Variants in FSTL5 observed in about 807,000 individuals in gnomAD.
FSTL5 encodes follistatin like 5, also known as follistatin-related protein 5.
FSTL5 carries 62 observed loss-of-function variants against 89.1 expected under a neutral mutation model. The observed-to-expected ratio is 0.70, with a 90% confidence interval of 0.57 to 0.86. FSTL5 has a LOEUF of 0.86. Among genes scored for constraint, FSTL5 ranks in the 40% least tolerant of loss-of-function variants. FSTL5 has a pLI of 0.00. For synonymous variants in FSTL5, 383 were observed against 346.2 expected (o/e 1.11, Z -1.18); for missense variants, 1,057 against 1,001.6 (o/e 1.06, Z -0.75).
At chr4:162,144,523 A>T (rs1356654380) in intron 1 of FSTL5, among the ~76,000 whole-genome samples, 1 of 152,156 alleles carries the variant, frequency 6.6e-6, no homozygotes, top group African/African-American at 2.4e-5. Context: ...GTGTGTGATT[A>T]GTATGGAATC....
chr4:161,589,935 A>G (rs1016289217), intron 7 of FSTL5, among the ~76,000 whole-genome samples: 2 of 152,008 alleles, frequency 1.3e-5, no homozygotes, highest in African/African-American at 2.4e-5. Flanking sequence ...ATATAGGAAC[A>G]CTCATACCGT....
chr4:161,679,458 T>G (rs1157321668), intron 6 of FSTL5, among the ~76,000 whole-genome samples: 1 of 151,784 alleles, frequency 6.6e-6, no homozygotes, highest in Non-Finnish European at 1.5e-5. Context: ...CACATAACTA[T>G]TAAGTGGTAA....
intron 1 of FSTL5, among the ~76,000 whole-genome samples, chr4:162,157,329 G>A (rs932561982): frequency 1.3e-5 from 2 of 152,018 alleles, no homozygotes; most frequent in Non-Finnish European, 2.9e-5. Flanking sequence ...AAAATAGAAT[G>A]GGGATCATGT....
chr4:161,784,633 G>A (rs900859036), intron 4 of FSTL5, among the ~76,000 whole-genome samples: 4 of 151,764 alleles, frequency 2.6e-5, no homozygotes, highest in Non-Finnish European at 5.9e-5. Context: ...AGTGGCTCAC[G>A]CCTGTAATCC....
At chr4:161,822,191 G>C (rs1257489155) in intron 4 of FSTL5, among the ~76,000 whole-genome samples, 1 of 152,114 alleles carries the variant, frequency 6.6e-6, no homozygotes, top group Non-Finnish European at 1.5e-5. Context: ...GTGATGTTGA[G>C]CATTTTTTCA....
At chr4:162,056,836 C>T (rs1157751009) in intron 2 of FSTL5, among the ~76,000 whole-genome samples, 1 of 152,058 alleles carries the variant, frequency 6.6e-6, no homozygotes, top group East Asian at 1.9e-4. Flanking sequence ...ATTATTTATA[C>T]ATATTATTGC....
chr4:161,666,200 G>C (rs750029005), intron 6 of FSTL5, among the ~76,000 whole-genome samples: 8 of 151,628 alleles, frequency 5.3e-5, no homozygotes, highest in Non-Finnish European at 1.2e-4. Flanking sequence ...ACATCACTAA[G>C]AAAAATTTAA....
At chr4:161,685,453 T>A (rs558215178) in intron 6 of FSTL5, among the ~76,000 whole-genome samples, 41 of 152,250 alleles carry the variant, frequency 2.7e-4, no homozygotes, top group Admixed American at 1.1e-3. Context: ...TCCTTGTAGA[T>A]GTCTTTCACT....
At chr4:161,648,599 A>C (rs191060134) in intron 7 of FSTL5, among the ~76,000 whole-genome samples, 8 of 152,308 alleles carry the variant, frequency 5.3e-5, no homozygotes, top group African/African-American at 1.9e-4. Context: ...CCTAGTACAC[A>C]ATAACTTTCT....
At chr4:161,920,707 A>G in intron 3 of FSTL5, 55 bp from the exon 4 acceptor site, 1 of 1,503,418 alleles carries the variant, frequency 6.7e-7, no homozygotes. Flanking sequence ...CAAATAATAT[A>G]TATATTTCAG....
chr4:161,548,501 G>T (rs1028413530), intron 8 of FSTL5, among the ~76,000 whole-genome samples: 1 of 151,860 alleles, frequency 6.6e-6, no homozygotes, highest in African/African-American at 2.4e-5. Context: ...GAATATGGTT[G>T]TGGGGAAGAC....
rs377012271 is a variant in FSTL5, at chr4:161,455,146, T to C, written c.1717-18A>G. Reference sequence around the variant, plus strand: ...GTAATTACCTAAAGAGAACACACCTTGGTTAGACCTCAACAATGCAGTCAC... The same window carrying C: ...GTAATTACCTAAAGAGAACACACCTCGGTTAGACCTCAACAATGCAGTCAC... On this transcript the variant is annotated intron_variant, in intron 14 of 15. Transcript: ENST00000306100. The C allele has an allele frequency of 6.7e-5, 105 of 1,574,092 alleles. 1 individual carries two copies. Among genetic ancestry groups the C allele is most frequent in the Non-Finnish European group, 2.7e-5 (31 of 1,164,396 alleles).
At chr4:162,113,668 G>T (rs1472449250) in intron 1 of FSTL5, among the ~76,000 whole-genome samples, 1 of 151,988 alleles carries the variant, frequency 6.6e-6, no homozygotes, top group Non-Finnish European at 1.5e-5. Flanking sequence ...TCAGTTTTTT[G>T]AACTTATTTT....
chr4:161,782,142 T>G (rs1009028162), intron 4 of FSTL5, among the ~76,000 whole-genome samples: 6 of 152,216 alleles, frequency 3.9e-5, no homozygotes, highest in African/African-American at 1.4e-4. Flanking sequence ...ATTCACCTGT[T>G]GAAGGGCAAC....
chr4:161,893,877 G>C (rs1265436161), intron 4 of FSTL5, among the ~76,000 whole-genome samples: 3 of 151,968 alleles, frequency 2.0e-5, no homozygotes, highest in Non-Finnish European at 4.4e-5. Context: ...TCAATATCCT[G>C]GTGCCTAAAT....
At chr4:161,780,057 G>A (rs1156649031) in intron 4 of FSTL5, among the ~76,000 whole-genome samples, 6 of 148,462 alleles carry the variant, frequency 4.0e-5, no homozygotes, top group Non-Finnish European at 6.0e-5. Flanking sequence ...TATGTCCCTC[G>A]GAGTCCTTCA....
chr4:161,441,138 G>A (rs1004934208), intron 15 of FSTL5, among the ~76,000 whole-genome samples: 22 of 152,008 alleles, frequency 1.4e-4, no homozygotes, highest in South Asian at 2.1e-4. Flanking sequence ...AGTCAGTGGC[G>A]CTAAGGCACA....
intron 12 of FSTL5, among the ~76,000 whole-genome samples, chr4:161,481,924 C>T (rs1234058197): frequency 1.3e-5 from 2 of 152,170 alleles, no homozygotes; most frequent in Non-Finnish European, 2.9e-5. Context: ...GGAGTCACAG[C>T]ATAAGTAAAA....
chr4:161,834,919 C>A (rs1474039066), intron 4 of FSTL5, among the ~76,000 whole-genome samples: 1 of 150,738 alleles, frequency 6.6e-6, no homozygotes, highest in Non-Finnish European at 1.5e-5. Context: ...ATCAAGCTAC[C>A]AATGACTTTC....
Sources: gnomAD v4.1 joint callset for allele counts (sites outside exome capture counted in the v4.1 genomes callset) on GRCh38, gnomAD v4.1.1 for gene constraint, MANE v1.5 for transcripts, NCBI Gene and HGNC (gene_info 2026-07-23, HGNC 2026-07-21) for gene names.